CCDC178: variants seen among roughly 807,000 people sequenced by gnomAD.
The protein encoded by CCDC178 is coiled-coil domain-containing protein 178.
In CCDC178, 126 loss-of-function variants were observed where a neutral mutation model predicts 117.4. That is an observed-to-expected ratio of 1.07 (90% CI 0.93 to 1.24). The LOEUF is 1.24. Among genes scored for constraint, CCDC178 ranks in the 50% most tolerant of loss-of-function variants. CCDC178 has a pLI of 0.00. For synonymous variants in CCDC178, 283 were observed against 313.4 expected, an observed-to-expected ratio of 0.90 and a Z score of 1.02; for missense variants, 1,030 against 986.9, an observed-to-expected ratio of 1.04 and a Z score of -0.59.
chr18:33,279,360 T>G (rs903046833), intron 12 of CCDC178, among the ~76,000 whole-genome samples: 5 of 151,992 alleles, frequency 3.3e-5, no homozygotes, highest in African/African-American at 1.2e-4. Flanking sequence ...TCACAATTGC[T>G]TCAAAGAGAA....
At chr18:33,292,039 T>C (rs1258786446) in intron 12 of CCDC178, among the ~76,000 whole-genome samples, 1 of 144,690 alleles carries the variant, frequency 6.9e-6, no homozygotes, top group African/African-American at 2.5e-5. Flanking sequence ...AAAAAACCAC[T>C]AAGAAAAGAA....
intron 3 of CCDC178, among the ~76,000 whole-genome samples, chr18:33,400,136 G>A (rs1219128767): frequency 7.0e-6 from 1 of 142,806 alleles, no homozygotes; most frequent in Non-Finnish European, 1.5e-5. Context: ...TCTCCATAGT[G>A]GCCTTAAAAC....
chr18:33,258,592 T>C (rs1200654557), intron 14 of CCDC178, among the ~76,000 whole-genome samples: 2 of 152,292 alleles, frequency 1.3e-5, no homozygotes, highest in African/African-American at 2.4e-5. Flanking sequence ...AGTCAACATG[T>C]TTATTATTAT....
chr18:33,014,465 G>GA (rs2055937582), intron 21 of CCDC178, among the ~76,000 whole-genome samples: 1 of 152,176 alleles, frequency 6.6e-6, no homozygotes, highest in Admixed American at 6.5e-5. Context: ...AAGGGTCTTT[G>GA]AAAATCTCTG....
At chr18:33,047,785 T>C (rs2056672503) in intron 21 of CCDC178, among the ~76,000 whole-genome samples, 1 of 152,194 alleles carries the variant, frequency 6.6e-6, no homozygotes, top group African/African-American at 2.4e-5. Flanking sequence ...ATTTTCAGTA[T>C]TTATAATTCT....
intron 20 of CCDC178, among the ~76,000 whole-genome samples, chr18:33,112,796 T>C (rs2057802443): frequency 6.6e-6 from 1 of 151,878 alleles, no homozygotes; most frequent in Non-Finnish European, 1.5e-5. Flanking sequence ...TTCTATACCC[T>C]ACCACACGTA....
intron 22 of CCDC178, among the ~76,000 whole-genome samples, chr18:32,952,994 G>A (rs2054521829): frequency 6.6e-6 from 1 of 151,958 alleles, no homozygotes; most frequent in African/African-American, 2.4e-5. Context: ...GGATGGTCTA[G>A]ATCTCCTGAC....
intron 21 of CCDC178, among the ~76,000 whole-genome samples, chr18:32,978,294 A>T (rs1463765560): frequency 1.3e-5 from 2 of 151,022 alleles, no homozygotes; most frequent in African/African-American, 4.9e-5. Context: ...AATTAAAGAC[A>T]ATCTTAAAGA....
At chr18:33,375,350 GATC>G (rs1394451197) in intron 5 of CCDC178, among the ~76,000 whole-genome samples, 2 of 151,740 alleles carry the variant, frequency 1.3e-5, no homozygotes, top group Non-Finnish European at 2.9e-5. Context: ...TTTCTCCTTT[GATC>G]ATCTCCTTTA....
In CCDC178 at chr18:33,251,569, C is replaced by G. The variant is rs1466336728; in HGVS notation, c.1410-6141G>C. 2.6e-5 allele frequency among the ~76,000 whole-genome samples: 4 copies of G among 151,782 alleles called. No individual in the cohort carries two copies. In the East Asian group the frequency reaches 5.8e-4, roughly 22 times the overall value. ...AATTGGCCCCAGTCCCTTACAAAGT[C>G]CTTCGAGTGTCTCCCTAGCAGTGTT... On this transcript the variant is annotated intron_variant, in intron 14 of 22. Coordinates refer to ENST00000383096, the MANE Select transcript of CCDC178 (RefSeq NM_001105528.4).
intron 22 of CCDC178, among the ~76,000 whole-genome samples, chr18:32,939,588 T>C (rs1463650440): frequency 6.6e-6 from 1 of 152,184 alleles, no homozygotes; most frequent in East Asian, 1.9e-4. Context: ...TTTTAGTATT[T>C]GTAAGAACTT....
intron 20 of CCDC178, among the ~76,000 whole-genome samples, chr18:33,161,841 C>T (rs903338032): frequency 2.0e-5 from 3 of 152,054 alleles, no homozygotes; most frequent in African/African-American, 7.2e-5. Context: ...GGGTTGGTTC[C>T]AAGTCTTTGC....
intron 11 of CCDC178, among the ~76,000 whole-genome samples, chr18:33,296,445 C>T (rs1488104537): frequency 6.6e-6 from 1 of 151,772 alleles, no homozygotes; most frequent in African/African-American, 2.4e-5. Context: ...AATGATTAGG[C>T]TTATCTCAAT....
intron 20 of CCDC178, among the ~76,000 whole-genome samples, chr18:33,206,247 G>A (rs1266473055): frequency 2.0e-5 from 3 of 151,862 alleles, no homozygotes; most frequent in Admixed American, 6.6e-5. Context: ...ATTGCATTCA[G>A]AGAATACTTG....
At chr18:33,160,177 A>G (rs2058445209) in intron 20 of CCDC178, among the ~76,000 whole-genome samples, 1 of 152,114 alleles carries the variant, frequency 6.6e-6, no homozygotes, top group African/African-American at 2.4e-5. Flanking sequence ...CTGGGAGGGA[A>G]ACATCCATTC....
At chr18:32,967,519 A>G (rs1402223570) in intron 22 of CCDC178, among the ~76,000 whole-genome samples, 1 of 149,340 alleles carries the variant, frequency 6.7e-6, no homozygotes, top group African/African-American at 2.5e-5. Context: ...CAGGATCTTC[A>G]TTCAGTTTCT....
chr18:33,162,349 G>A (rs1482522687), intron 20 of CCDC178, among the ~76,000 whole-genome samples: 1 of 152,098 alleles, frequency 6.6e-6, no homozygotes, highest in Non-Finnish European at 1.5e-5. Context: ...AAAATAATTT[G>A]TTAAAGTTCA....
At chr18:33,279,146 GA>G (rs1380793170) in intron 12 of CCDC178, among the ~76,000 whole-genome samples, 1 of 152,120 alleles carries the variant, frequency 6.6e-6, no homozygotes. Context: ...ATTCAATTAG[GA>G]AAAGAGGAAG....
At chr18:33,392,758 A>C (rs1227983832) in intron 4 of CCDC178, among the ~76,000 whole-genome samples, 1 of 152,188 alleles carries the variant, frequency 6.6e-6, no homozygotes, top group Non-Finnish European at 1.5e-5. Flanking sequence ...GTTACTCCAG[A>C]GACTGAGGCA....
Sources: allele counts gnomAD v4.1 joint callset (sites outside exome capture counted in the v4.1 genomes callset), GRCh38; gene constraint gnomAD v4.1.1; transcripts MANE v1.5; gene names NCBI Gene and HGNC (gene_info 2026-07-23, HGNC 2026-07-21).